Variants in ZNF385D observed in about 807,000 individuals in gnomAD.
The protein encoded by ZNF385D is zinc finger protein 385D.
In ZNF385D, 15 loss-of-function variants were observed where a neutral mutation model predicts 35.8. The ratio of observed to expected loss-of-function variants is 0.42; its 90% CI spans 0.28 to 0.64. The LOEUF (loss-of-function observed/expected upper bound fraction) is 0.64, where lower values mean the gene tolerates loss of function less well. Ranked by LOEUF, ZNF385D falls within the 30% of genes least tolerant of loss-of-function variation. The pLI, the probability that ZNF385D is intolerant of heterozygous loss-of-function variation, is 0.23. For missense variants in ZNF385D, 474 were observed against 494.6 expected (o/e 0.96, Z 0.39); for synonymous variants, 212 against 186.8 (o/e 1.13, Z -1.10).
At chr3:21,827,177 G>C (rs966825428) in intron 3 of ZNF385D, among the ~76,000 whole-genome samples, 3 of 152,062 alleles carry the variant, frequency 2.0e-5, no homozygotes, top group Non-Finnish European at 4.4e-5. Context: ...ATATTTCTTA[G>C]CTTCTTTTAC....
intron 2 of ZNF385D, among the ~76,000 whole-genome samples, chr3:22,180,436 G>C (rs1189496363): frequency 6.6e-6 from 1 of 152,168 alleles, no homozygotes; most frequent in Non-Finnish European, 1.5e-5. Flanking sequence ...CTCATTTTAT[G>C]AGGCCAGCAT....
At position 21,651,051 on chromosome 3, in the gene ZNF385D, G is replaced by A. The variant is rs549336070; in HGVS notation, c.165+13835C>T. Among the ~76,000 whole-genome samples, 660 of 151,790 alleles carry A rather than the reference G, an allele frequency of 4.3e-3. 3 individuals are homozygous for A. Among genetic ancestry groups the A allele is most frequent in the African/African-American group, 8.9e-3 (370 of 41,362 alleles). ...TCCCAGCACTTTGGGAGGCTGAGGC[G>A]GGCAGATCATGAGGTCAGGAGATCG... is the stretch of plus-strand genomic sequence containing the variant. On this transcript the variant is annotated intron_variant, in intron 2 of 7. Coordinates refer to ENST00000281523, the MANE Select transcript of ZNF385D (RefSeq NM_024697.3).
intron 3 of ZNF385D, among the ~76,000 whole-genome samples, chr3:21,866,834 A>G (rs1276956878): frequency 1.3e-5 from 2 of 152,178 alleles, no homozygotes; most frequent in African/African-American, 4.8e-5. Context: ...GTAGTGATTA[A>G]AATACAAAGG....
At chr3:22,251,323 C>A (rs181513472) in intron 2 of ZNF385D, among the ~76,000 whole-genome samples, 5 of 152,094 alleles carry the variant, frequency 3.3e-5, no homozygotes, top group African/African-American at 1.2e-4. Context: ...CTATAAGAGG[C>A]GTAAGCACTC....
At chr3:22,264,082 G>C (rs1199753692) in intron 2 of ZNF385D, among the ~76,000 whole-genome samples, 1 of 152,044 alleles carries the variant, frequency 6.6e-6, no homozygotes, top group East Asian at 2.0e-4. Flanking sequence ...AGTGAGGAAG[G>C]TAGGAAGAAG....
intron 3 of ZNF385D, among the ~76,000 whole-genome samples, chr3:21,974,485 G>A (rs182931251): frequency 2.8e-4 from 42 of 152,034 alleles, no homozygotes; most frequent in South Asian, 1.0e-3. Flanking sequence ...GAAAAAATTG[G>A]AAAAACTCTC....
chr3:22,333,733 G>T (rs941954009), intron 2 of ZNF385D, among the ~76,000 whole-genome samples: 52 of 152,184 alleles, frequency 3.4e-4, no homozygotes, highest in African/African-American at 1.2e-3. Flanking sequence ...GCACTGAAAG[G>T]AGACTATTTT....
chr3:21,751,767 T>C (rs2070100002), upstream of ZNF385D, among the ~76,000 whole-genome samples: 1 of 152,028 alleles, frequency 6.6e-6, no homozygotes, highest in African/African-American at 2.4e-5. Context: ...TCTTGAGTGT[T>C]CCCTGAGCTA....
At chr3:22,286,712 T>C (rs1374169222) in intron 2 of ZNF385D, among the ~76,000 whole-genome samples, 1 of 152,160 alleles carries the variant, frequency 6.6e-6, no homozygotes, top group Non-Finnish European at 1.5e-5. Flanking sequence ...ATTCCTCCTC[T>C]TACTGATTTC....
chr3:21,997,856 GGCGCGCGCGCGC>G (rs59960063), intron 3 of ZNF385D, among the ~76,000 whole-genome samples: 100 of 143,062 alleles, frequency 7.0e-4, no homozygotes, highest in African/African-American at 1.6e-3. Flanking sequence ...GTTGCTATTT[GGCGCGCGCGCGC>G]GCGCGTGTGT....
intron 4 of ZNF385D, among the ~76,000 whole-genome samples, chr3:21,449,712 A>G (rs2125275192): frequency 6.6e-6 from 1 of 152,244 alleles, no homozygotes; most frequent in Middle Eastern, 3.4e-3. Flanking sequence ...TTACAGCAAA[A>G]GTAGGTTATT....
intron 4 of ZNF385D, chr3:21,459,511 A>G (rs1414340908): frequency 6.6e-6 from 1 of 152,142 alleles, no homozygotes; most frequent in Non-Finnish European, 1.5e-5. Flanking sequence ...AAATGCAAAA[A>G]AAAATTTAAA....
chr3:21,979,269 C>T (rs1343390836), intron 3 of ZNF385D, among the ~76,000 whole-genome samples: 4 of 152,258 alleles, frequency 2.6e-5, no homozygotes, highest in East Asian at 3.9e-4. Flanking sequence ...AAAAAACCCA[C>T]AAAATTCTGT....
In ZNF385D at chr3:21,526,857, G is replaced by C. The variant is rs73050408; in HGVS notation, c.277-15834C>G. ...GAAGCAAACTTCACCCATCTGACGC[G>C]ATCGTTCTTAACTGAGCACTATTAT... On this transcript the variant is annotated intron_variant, in intron 3 of 7. Transcript: ENST00000281523. Among the ~76,000 whole-genome samples the C allele has an allele frequency of 3.9e-5, 6 of 152,132 alleles. No homozygotes were observed. The East Asian group carries it at 7.7e-4, about 20-fold the overall frequency.
intron 2 of ZNF385D, among the ~76,000 whole-genome samples, chr3:22,300,242 G>A (rs1702823765): frequency 6.6e-6 from 1 of 151,838 alleles, no homozygotes; most frequent in South Asian, 2.1e-4. Context: ...TGAGAAAACT[G>A]GATTTTTGCA....
At chr3:22,210,632 T>C (rs531129672) in intron 2 of ZNF385D, among the ~76,000 whole-genome samples, 2 of 152,004 alleles carry the variant, frequency 1.3e-5, no homozygotes, top group East Asian at 3.9e-4. Context: ...AAACAGGATG[T>C]TTCTGGCATT....
At chr3:21,939,394 A>G (rs1353073848) in intron 3 of ZNF385D, among the ~76,000 whole-genome samples, 1 of 152,180 alleles carries the variant, frequency 6.6e-6, no homozygotes, top group Admixed American at 6.5e-5. Context: ...AAATGGAATC[A>G]AAACATAGTT....
Position 21,751,183 on chromosome 3 carries a change from T to C in ZNF385D, c.-267A>G, listed in dbSNP as rs1215851943. Reference sequence around the variant, plus strand: ...TGTAATCCGACTCCTCCTTGCGATGTCCTTGCCGCGCCTGTGACATCAGGA... The same window carrying C: ...TGTAATCCGACTCCTCCTTGCGATGCCCTTGCCGCGCCTGTGACATCAGGA... On this transcript the variant is annotated 5_prime_UTR_variant, in exon 1 of 8. Transcript: ENST00000281523. 1.4e-6 allele frequency: 2 copies of C among 1,383,034 alleles called. No individual in the cohort carries two copies. The highest frequency in any genetic ancestry group is 2.9e-5 in the African/African-American group (2 of 68,040). The allele number at this position is 1,383,034 out of a possible 1,614,324, so 85.7% of individuals were successfully genotyped here.
At position 21,655,401 on chromosome 3, in the gene ZNF385D, T is replaced by C. The variant is rs200778847; in HGVS notation, c.165+9485A>G. On this transcript the variant is annotated intron_variant, in intron 2 of 7. Coordinates refer to ENST00000281523, the MANE Select transcript of ZNF385D (RefSeq NM_024697.3). ...CCCTATAGTATAAAAGAATATTGAG[T>C]TTTACAAAGCCTAAATTGTTACTGA... is the stretch of plus-strand genomic sequence containing the variant. 3.9e-5 allele frequency among the ~76,000 whole-genome samples: 6 copies of C among 152,068 alleles called. No homozygotes were observed. In the East Asian group the frequency reaches 7.7e-4, roughly 20 times the overall value.
Sources: gnomAD v4.1 joint callset for allele counts (sites outside exome capture counted in the v4.1 genomes callset) on GRCh38, gnomAD v4.1.1 for gene constraint, MANE v1.5 for transcripts, NCBI Gene and HGNC (gene_info 2026-07-23, HGNC 2026-07-21) for gene names.